MYO10: variants seen among roughly 807,000 people sequenced by gnomAD.
The protein encoded by MYO10 is myosin X.
A neutral mutation model predicts 257.3 loss-of-function variants in MYO10; 133 were observed. The observed-to-expected ratio is 0.52, with a 90% CI of 0.45 to 0.60. MYO10 has a LOEUF of 0.60. Among genes scored for constraint, MYO10 ranks in the 20% least tolerant of loss-of-function variants. The probability of loss-of-function intolerance (pLI) is 0.00; values close to 1 mark genes in which losing one functional copy is unlikely to be tolerated. For missense variants in MYO10, 2,399 were observed against 2,635.7 expected (o/e 0.91, Z 1.97); for synonymous variants, 1,104 against 1,028.6 (o/e 1.07, Z -1.40).
At chr5:16,731,984 G>A (rs1739601793) in intron 19 of MYO10, among the ~76,000 whole-genome samples, 1 of 152,156 alleles carries the variant, frequency 6.6e-6, no homozygotes, top group Non-Finnish European at 1.5e-5. Flanking sequence ...AATTCTGAAG[G>A]GGGTTCATGG....
intron 32 of MYO10, among the ~76,000 whole-genome samples, chr5:16,680,443 T>C (rs1205525101): frequency 1.3e-5 from 2 of 152,150 alleles, no homozygotes; most frequent in African/African-American, 2.4e-5. Flanking sequence ...GAAAACTCTC[T>C]CTGATTTCTG....
rs1561177446 is a variant in MYO10, at chr5:16,681,957, G to GT, written c.4102dup (p.Thr1368AsnfsTer88). 1 of 1,613,900 alleles carries GT rather than the reference G, an allele frequency of 6.2e-7. No individual in the cohort carries two copies. Among genetic ancestry groups the GT allele is most frequent in the South Asian group, 1.1e-5 (1 of 91,084 alleles). ...TATCCAGTGGTGCATCTCCTCCGGCGTGTCGGCGTTGCAGTGCAGCACCCG... is the reference window on the plus strand; with the variant it reads ...TATCCAGTGGTGCATCTCCTCCGGCGTTGTCGGCGTTGCAGTGCAGCACCCG... On this transcript the variant is annotated frameshift_variant, in exon 31 of 41. Coordinates refer to ENST00000513610, the MANE Select transcript of MYO10 (RefSeq NM_012334.3). LOFTEE classifies it high-confidence loss of function.
rs202213331 is a variant in MYO10 at position 16,694,498 on chromosome 5, C to A, written c.3673G>T (p.Gly1225Cys). The A allele has an allele frequency of 1.5e-5, 25 of 1,613,806 alleles. No individual in the cohort carries two copies. Among genetic ancestry groups the A allele is most frequent in the Middle Eastern group, 1.6e-4 (1 of 6,084 alleles). Residue 1225 changes from glycine to cysteine, a missense_variant, in exon 27 of 41, where the codon GGC (glycine) becomes TGC (cysteine). Gly to Cys is a radical substitution (Grantham distance 159, BLOSUM62 -3). This residue lies in a region of MYO10 where 1,820 missense variants were observed against 1,939.4 expected (regional missense o/e 0.94). Coordinates refer to ENST00000513610, the MANE Select transcript of MYO10 (RefSeq NM_012334.3). The stretch of plus-strand genomic sequence containing the variant: ...TTTCTCCTGGACAGCGTGGAGGAGC[C>A]CCCCCCTTTTTTGTGGAGCCAGCCT... ...KQGWLHKKGGGSSTLSRRNWK... is the reference protein window; with the variant it reads ...KQGWLHKKGGCSSTLSRRNWK...
intron 2 of MYO10, among the ~76,000 whole-genome samples, chr5:16,866,145 C>T (rs988752810): frequency 2.0e-5 from 3 of 151,338 alleles, no homozygotes; most frequent in African/African-American, 7.3e-5. Context: ...GGGTATTTGC[C>T]GAAGAAACTA....
intron 1 of MYO10, among the ~76,000 whole-genome samples, chr5:16,920,704 C>T (rs1745955863): frequency 6.6e-6 from 1 of 152,204 alleles, no homozygotes; most frequent in South Asian, 2.1e-4. Flanking sequence ...ATGTCAATTT[C>T]CTGATTTTGA....
chr5:16,802,993 C>T (rs1742165276), intron 3 of MYO10, among the ~76,000 whole-genome samples: 1 of 151,790 alleles, frequency 6.6e-6, no homozygotes, highest in African/African-American at 2.4e-5. Context: ...TATTCCCAGC[C>T]ACTAGGGAGG....
intron 2 of MYO10, among the ~76,000 whole-genome samples, chr5:16,847,354 G>A (rs1271151207): frequency 6.7e-6 from 1 of 149,966 alleles, no homozygotes; most frequent in African/African-American, 2.5e-5. Context: ...AACTCGGGAG[G>A]CAGAGCTTGC....
chr5:16,845,467 C>T (rs1390921573), intron 2 of MYO10, among the ~76,000 whole-genome samples: 1 of 152,060 alleles, frequency 6.6e-6, no homozygotes, highest in Admixed American at 6.6e-5. Flanking sequence ...AGGAGTTCCG[C>T]ACCAGCCTGG....
chr5:16,784,910 C>G (rs1741528481), intron 4 of MYO10, among the ~76,000 whole-genome samples: 1 of 152,180 alleles, frequency 6.6e-6, no homozygotes, highest in Non-Finnish European at 1.5e-5. Context: ...ACCTGCTCTG[C>G]TAGCGACAGG....
intron 1 of MYO10, among the ~76,000 whole-genome samples, chr5:16,890,270 G>A (rs577580564): frequency 1.3e-5 from 2 of 151,898 alleles, no homozygotes; most frequent in Admixed American, 6.5e-5. Context: ...TAGAACCCTC[G>A]TGCACTGCTG....
intron 1 of MYO10, among the ~76,000 whole-genome samples, chr5:16,891,591 T>A (rs757082903): frequency 6.6e-6 from 1 of 152,154 alleles, no homozygotes; most frequent in African/African-American, 2.4e-5. Context: ...TAAAAACCAC[T>A]GAATTATATA....
intron 19 of MYO10, among the ~76,000 whole-genome samples, chr5:16,718,026 T>G (rs1051112400): frequency 3.9e-5 from 6 of 152,164 alleles, no homozygotes; most frequent in Non-Finnish European, 5.9e-5. Flanking sequence ...GGCGTGGGCT[T>G]GGTGGGCCCC....
intron 32 of MYO10, 133 bp from the exon 33 acceptor site, chr5:16,680,237 G>C: frequency 9.0e-7 from 1 of 1,110,856 alleles, no homozygotes; most frequent in Non-Finnish European, 1.3e-6. Flanking sequence ...TCCTACATGT[G>C]TCCTGTCCTG....
chr5:16,802,231 G>A (rs1742139436), intron 3 of MYO10, among the ~76,000 whole-genome samples: 1 of 152,156 alleles, frequency 6.6e-6, no homozygotes. Context: ...TTCTGCAAGA[G>A]GAGAAGAGTT....
intron 2 of MYO10, among the ~76,000 whole-genome samples, chr5:16,876,848 C>T (rs918591829): frequency 1.3e-5 from 2 of 152,172 alleles, no homozygotes; most frequent in African/African-American, 2.4e-5. Context: ...AGCCACTGTG[C>T]CCAGCCTGAA....
chr5:16,747,969 G>GA (rs1350188178), intron 19 of MYO10, among the ~76,000 whole-genome samples: 15 of 98,716 alleles, frequency 1.5e-4, no homozygotes, highest in Non-Finnish European at 2.7e-4. Flanking sequence ...GATACAGGAA[G>GA]AAAAAAAAAG....
At chr5:16,922,131 T>C (rs1225622675) in intron 1 of MYO10, among the ~76,000 whole-genome samples, 1 of 150,838 alleles carries the variant, frequency 6.6e-6, no homozygotes, top group African/African-American at 2.4e-5. Flanking sequence ...GGCAAATCAC[T>C]GGAACCCGGG....
chr5:16,670,950 T>G lies in MYO10; in HGVS notation c.5459A>C (p.His1820Pro), dbSNP rs770857849. ...QAHEAVIHGH[H>P]PAPEENLQVL... ...CTGGAGGTTTTCTTCCGGGGCTGGA[T>G]GGTGGCCATGGATAACCGCTTCGTG... is the stretch of plus-strand genomic sequence containing the variant. The change falls in exon 39 of 41, where the codon CAT (histidine) becomes CCT (proline). Residue 1820 changes from histidine to proline, a missense_variant. This residue lies in a region of MYO10 where 1,820 missense variants were observed against 1,939.4 expected (regional missense o/e 0.94). Transcript: ENST00000513610. 7.4e-6 allele frequency: 12 copies of G among 1,612,156 alleles called. No individual in the cohort carries two copies. Among genetic ancestry groups the G allele is most frequent in the Non-Finnish European group, 9.3e-6 (11 of 1,178,420 alleles).
In MYO10 at chr5:16,701,666, G is replaced by T; in HGVS notation, c.2729C>A (p.Ser910Ter). ...CTTCTGCAGGGAAGCCTCGGTCAGC[G>T]ACAGCTCCTGCTGCTCCTTCATGCG... is the stretch of plus-strand genomic sequence containing the variant. ...LQRMKEQQEL[S>*]LTEASLQKLQ... Residue 910 changes from serine (S) to a stop codon, truncating the protein, a stop_gained, in exon 25 of 41, where the codon TCG (serine) becomes TAG (stop). Coordinates refer to ENST00000513610, the MANE Select transcript of MYO10 (RefSeq NM_012334.3). LOFTEE classifies it high-confidence loss of function. This position sits in a 1 kb window ranked among gnomAD's most constrained non-coding sequence, Gnocchi z 8.1. 6.2e-7 allele frequency: 1 copy of T among 1,613,840 alleles called. No individual in the cohort carries two copies. The highest frequency in any genetic ancestry group is 8.5e-7 in the Non-Finnish European group (1 of 1,179,838).
Sources: allele counts gnomAD v4.1 joint callset (sites outside exome capture counted in the v4.1 genomes callset), GRCh38; gene constraint gnomAD v4.1.1; regional missense constraint gnomAD v4.1.1; non-coding constraint Gnocchi (gnomAD v3.1); transcripts MANE v1.5; gene names NCBI Gene and HGNC (gene_info 2026-07-23, HGNC 2026-07-21).